Variants in PHACTR2 observed in about 807,000 individuals in gnomAD.
The protein encoded by PHACTR2 is phosphatase and actin regulator 2.
Under a neutral mutation model 76.0 loss-of-function variants are expected in PHACTR2, and 30 were observed. That is an observed-to-expected ratio of 0.39 (90% CI 0.30 to 0.54). The LOEUF is 0.54. PHACTR2 is among the 20% of genes least tolerant of loss of function. The pLI is 0.61. For synonymous variants in PHACTR2, 292 were observed against 292.5 expected, an observed-to-expected ratio of 1.00 and a Z score of 0.02; for missense variants, 696 against 781.1, an observed-to-expected ratio of 0.89 and a Z score of 1.30.
rs923565048 is a variant in PHACTR2, at chr6:143,761,726, C to T, written c.694+1086C>T. Among the ~76,000 whole-genome samples the T allele has an allele frequency of 6.6e-6, 1 of 152,038 alleles. No individual in the cohort carries two copies. Among genetic ancestry groups the T allele is most frequent in the African/African-American group, 2.4e-5 (1 of 41,382 alleles). Reference sequence around the variant, plus strand: ...CTGAGATCGCGCCACTGCACTCCAGCCTGGGCGACAGAATGAGACTCCATC... The same window carrying T: ...CTGAGATCGCGCCACTGCACTCCAGTCTGGGCGACAGAATGAGACTCCATC... On this transcript the variant is annotated intron_variant, in intron 5 of 12. Transcript: ENST00000440869. This position sits in a 1 kb window ranked among gnomAD's most constrained non-coding sequence, Gnocchi z 5.2.
chr6:143,736,127 C>G (rs1414396308), intron 2 of PHACTR2, among the ~76,000 whole-genome samples: 1 of 152,204 alleles, frequency 6.6e-6, no homozygotes, highest in Non-Finnish European at 1.5e-5. Flanking sequence ...CTCCTGGGTA[C>G]AAGCGATCCT....
intron 2 of PHACTR2, among the ~76,000 whole-genome samples, chr6:143,727,394 A>G (rs1465481656): frequency 2.0e-5 from 3 of 151,998 alleles, no homozygotes; most frequent in Admixed American, 1.3e-4. Flanking sequence ...TATCTTGGCT[A>G]TTGTTAACAG....
intron 1 of PHACTR2, among the ~76,000 whole-genome samples, chr6:143,594,952 A>G (rs1299837598): frequency 6.6e-6 from 1 of 152,240 alleles, no homozygotes; most frequent in African/African-American, 2.4e-5. Context: ...GTTTTAGCAG[A>G]GCTCCTTTGT....
intron 1 of PHACTR2, among the ~76,000 whole-genome samples, chr6:143,694,054 C>G (rs1777713660): frequency 6.7e-6 from 1 of 148,862 alleles, no homozygotes; most frequent in Non-Finnish European, 1.5e-5. Context: ...GGGTGACAGA[C>G]AGAGTGAGAC....
rs1776055774 is a variant in PHACTR2, at chr6:143,616,170, A to G, written c.13+7848A>G. On this transcript the variant is annotated intron_variant, in intron 1 of 11. Coordinates refer to the PHACTR2 transcript ENST00000305766. The surrounding 1 kb of genome is among the most constrained non-coding windows in gnomAD (Gnocchi z 4.9). ...TTCCCAACATCCAGCTATCTCCCCA[A>G]AATTATTTTGAATTTTTTTCACATA... Among the ~76,000 whole-genome samples, 1 of 152,122 alleles carries G rather than the reference A, an allele frequency of 6.6e-6. No individual in the cohort carries two copies. Among genetic ancestry groups the G allele is most frequent in the Non-Finnish European group, 1.5e-5 (1 of 68,016 alleles).
intron 1 of PHACTR2, among the ~76,000 whole-genome samples, chr6:143,650,470 G>A (rs1271941061): frequency 6.6e-6 from 1 of 152,138 alleles, no homozygotes; most frequent in Non-Finnish European, 1.5e-5. Flanking sequence ...CATGGTACTG[G>A]TGCAAGAACA....
rs1326475163 is a variant in PHACTR2, at chr6:143,554,084, T to C, written c.217+16877T>C. ...GGGCGCTGGGCAGAGGGGCATCATG[T>C]TTTTTGATACAAATGTAGAAAGCAA... On this transcript the variant is annotated intron_variant, in intron 1 of 11. Transcript: ENST00000367584. This position sits in a 1 kb window ranked among gnomAD's most constrained non-coding sequence, Gnocchi z 5.9. Among the ~76,000 whole-genome samples the C allele has an allele frequency of 1.1e-4, 17 of 152,088 alleles. No homozygotes were observed. In the East Asian group the frequency reaches 3.3e-3, roughly 29 times the overall value.
chr6:143,701,162 A>G lies in PHACTR2; in HGVS notation c.47-10854A>G, dbSNP rs113962849. Reference sequence around the variant, plus strand: ...GTTCATGTCAGTGAATCAGGATGTCATGCAGCTGCACAAACATATTCGTTC... The same window carrying G: ...GTTCATGTCAGTGAATCAGGATGTCGTGCAGCTGCACAAACATATTCGTTC... On this transcript the variant is annotated intron_variant, in intron 1 of 12. Coordinates refer to ENST00000440869, the MANE Select transcript of PHACTR2 (RefSeq NM_001100164.2). Among the ~76,000 whole-genome samples, 1,422 of 152,330 alleles carry G rather than the reference A, an allele frequency of 9.3e-3. 22 individuals are homozygous for G. The highest frequency in any genetic ancestry group is 0.032 in the African/African-American group (1,326 of 41,566).
intron 1 of PHACTR2, among the ~76,000 whole-genome samples, chr6:143,612,522 C>G (rs1184095565): frequency 1.3e-5 from 2 of 152,188 alleles, no homozygotes; most frequent in African/African-American, 4.8e-5. Context: ...TTTGTTTCCT[C>G]TAATCCTCCA....
intron 1 of PHACTR2, among the ~76,000 whole-genome samples, chr6:143,638,706 G>A (rs760976985): frequency 1.3e-5 from 2 of 151,912 alleles, no homozygotes; most frequent in Non-Finnish European, 2.9e-5. Flanking sequence ...TTTTAAAAAA[G>A]GGCAGTGAAG....
intron 1 of PHACTR2, among the ~76,000 whole-genome samples, chr6:143,686,378 A>G (rs917703248): frequency 6.6e-6 from 1 of 152,084 alleles, no homozygotes; most frequent in Admixed American, 6.6e-5. Context: ...GATAAATAAC[A>G]TCAACATGTG....
intron 1 of PHACTR2, chr6:143,711,148 G>T: frequency 9.7e-6 from 4 of 414,208 alleles, no homozygotes; most frequent in African/African-American, 2.1e-5. Flanking sequence ...GTTCCCTCAA[G>T]TTTCTTCTCA....
At chr6:143,726,612 A>G (rs2128464612) in intron 2 of PHACTR2, among the ~76,000 whole-genome samples, 1 of 152,268 alleles carries the variant, frequency 6.6e-6, no homozygotes, top group Admixed American at 6.5e-5. Flanking sequence ...TTTTTCAAAG[A>G]CTGTGTAGTA....
intron 1 of PHACTR2, among the ~76,000 whole-genome samples, chr6:143,563,551 CAAAAAAA>C (rs76587878): frequency 2.7e-4 from 8 of 29,948 alleles, no homozygotes; most frequent in African/African-American, 6.7e-4. Context: ...AACTCCGTCT[CAAAAAAA>C]AAAAAAAAAA....
intron 1 of PHACTR2, among the ~76,000 whole-genome samples, chr6:143,682,931 C>T (rs1002275530): frequency 1.3e-5 from 2 of 152,104 alleles, no homozygotes; most frequent in African/African-American, 4.8e-5. Flanking sequence ...TTTCCTGCCT[C>T]TATTGAGGTG....
In PHACTR2 at chr6:143,827,176, ATATATATATATATATATATATATG is replaced by A. The variant is rs1776558255; in HGVS notation, c.*3493_*3516del. 7.9e-6 allele frequency: 1 copy of A among 126,478 alleles called. No individual in the cohort carries two copies. Among genetic ancestry groups the A allele is most frequent in the Admixed American group, 7.7e-5 (1 of 12,994 alleles). 7.8% of individuals were successfully genotyped at this position (126,478 alleles called of 1,614,324 possible). A position where few individuals can be genotyped will look rare whatever the true frequency, so the allele number is the denominator to read the frequency against. ...AGAAAATATATATATATATATATAT[ATATATATATATATATATATATATG>A]TATATTATATATACAGTAGCTTACA... On this transcript the variant is annotated 3_prime_UTR_variant, in exon 13 of 13. Transcript: ENST00000440869.
rs1554215163 is a variant in PHACTR2 at position 143,618,285 on chromosome 6, A to ATG, written c.13+9963_13+9964insTG. ...CACACACACACACACACACACACAC[A>ATG]CGCACACTCCAGAATGAGTTTCAGA... On this transcript the variant is annotated intron_variant, in intron 1 of 11. Transcript: ENST00000305766. This position sits in a 1 kb window ranked among gnomAD's most constrained non-coding sequence, Gnocchi z 5.2. 9.8e-6 allele frequency among the ~76,000 whole-genome samples: 1 copy of ATG among 101,724 alleles called. No individual in the cohort carries two copies. Among genetic ancestry groups the ATG allele is most frequent in the African/African-American group, 3.0e-5 (1 of 33,826 alleles). The allele number at this position is 101,724 out of a possible 152,430, so 66.7% of individuals were successfully genotyped here. A position where few individuals can be genotyped will look rare whatever the true frequency, so the allele number is the denominator to read the frequency against.
At position 143,618,181 on chromosome 6, in the gene PHACTR2, T is replaced by C. The variant is rs934867467; in HGVS notation, c.13+9859T>C. 4.6e-5 allele frequency among the ~76,000 whole-genome samples: 7 copies of C among 152,114 alleles called. No homozygotes were observed. ...ATCGATGCTATATTTGCTGTATCCA[T>C]GTGACTTACCACAGGCGCCCTGCTT... On this transcript the variant is annotated intron_variant, in intron 1 of 11. Transcript: ENST00000305766. The surrounding 1 kb of genome is among the most constrained non-coding windows in gnomAD (Gnocchi z 5.2).
intron 1 of PHACTR2, among the ~76,000 whole-genome samples, chr6:143,692,708 T>C (rs1318827805): frequency 6.6e-6 from 1 of 152,224 alleles, no homozygotes; most frequent in East Asian, 1.9e-4. Context: ...AAAGAACTTT[T>C]CTTTTTCCTT....
Sources: gnomAD v4.1 joint callset for allele counts (sites outside exome capture counted in the v4.1 genomes callset) on GRCh38, gnomAD v4.1.1 for gene constraint, Gnocchi (gnomAD v3.1) non-coding constraint, MANE v1.5 for transcripts, NCBI Gene and HGNC (gene_info 2026-07-23, HGNC 2026-07-21) for gene names.